GPHN: variants seen among roughly 807,000 people sequenced by gnomAD.
GPHN encodes gephyrin.
A neutral mutation model predicts 95.5 loss-of-function variants in GPHN; 17 were observed. That is an observed-to-expected ratio of 0.18 (90% CI 0.12 to 0.27). GPHN has a LOEUF of 0.27. Among genes scored for constraint, GPHN ranks in the 10% least tolerant of loss-of-function variants. The pLI is 1.00. For missense variants in GPHN, 660 were observed against 978.1 expected, an observed-to-expected ratio of 0.67 and a Z score of 4.34; for synonymous variants, 320 against 322.5, an observed-to-expected ratio of 0.99 and a Z score of 0.08.
At chr14:66,937,637 C>G (rs2067201887) in intron 8 of GPHN, among the ~76,000 whole-genome samples, 1 of 151,824 alleles carries the variant, frequency 6.6e-6, no homozygotes, top group Non-Finnish European at 1.5e-5. Flanking sequence ...TTCGGCCTCC[C>G]AAAGTGCTGG....
chr14:67,057,854 T>C (rs2075667714), intron 10 of GPHN, among the ~76,000 whole-genome samples: 1 of 152,244 alleles, frequency 6.6e-6, no homozygotes, highest in Non-Finnish European at 1.5e-5. Context: ...AATGGGTATG[T>C]GTATCACTGA....
chr14:67,276,466 A>G, the GPHN span, among the ~76,000 whole-genome samples: 3 of 152,248 alleles, frequency 2.0e-5, no homozygotes, highest in South Asian at 6.2e-4. Flanking sequence ...AGTGTTTCCT[A>G]TCACCTTTTA....
At chr14:67,708,939 T>A in the GPHN span, among the ~76,000 whole-genome samples, 1 of 151,884 alleles carries the variant, frequency 6.6e-6, no homozygotes, top group South Asian at 2.1e-4. Context: ...ACTACAGGCA[T>A]GCGCCACCAC....
chr14:66,716,363 T>C (rs1202642196), intron 2 of GPHN, among the ~76,000 whole-genome samples: 4 of 152,210 alleles, frequency 2.6e-5, no homozygotes, highest in African/African-American at 9.6e-5. Context: ...AATGCCCTTT[T>C]CCAACCTTTT....
chr14:66,856,187 G>T (rs1195935597), intron 4 of GPHN, among the ~76,000 whole-genome samples: 1 of 151,930 alleles, frequency 6.6e-6, no homozygotes, highest in South Asian at 2.1e-4. Flanking sequence ...GAGTAACTTT[G>T]GTTTAAAAAA....
the GPHN span, among the ~76,000 whole-genome samples, chr14:67,626,829 C>T: frequency 1.3e-5 from 2 of 152,092 alleles, no homozygotes; most frequent in Non-Finnish European, 2.9e-5. Flanking sequence ...CTCAAATGTA[C>T]ATTAATTGAA....
chr14:66,982,477 A>G (rs1209023710), intron 9 of GPHN, among the ~76,000 whole-genome samples: 1 of 152,168 alleles, frequency 6.6e-6, no homozygotes, highest in Non-Finnish European at 1.5e-5. Context: ...GAATGTTGCA[A>G]AAGAGGTAAT....
intron 4 of GPHN, among the ~76,000 whole-genome samples, chr14:66,863,069 A>G (rs2063090902): frequency 6.6e-6 from 1 of 152,132 alleles, no homozygotes; most frequent in Non-Finnish European, 1.5e-5. Context: ...TATTATATCT[A>G]GAAAAAAACT....
the GPHN span, among the ~76,000 whole-genome samples, chr14:67,637,410 CAAAAAAAAAAA>C: frequency 3.2e-3 from 335 of 103,666 alleles, 2 homozygotes; most frequent in South Asian, 0.016. Context: ...GACTCTGTCT[CAAAAAAAAAAA>C]AAAAAAAAAA....
At chr14:67,403,472 C>T in the GPHN span, among the ~76,000 whole-genome samples, 1 of 152,194 alleles carries the variant, frequency 6.6e-6, no homozygotes, top group Non-Finnish European at 1.5e-5. Context: ...TGTATGGTCC[C>T]CAGCTCTATG....
At chr14:67,236,505 G>C in the GPHN span, among the ~76,000 whole-genome samples, 1 of 152,090 alleles carries the variant, frequency 6.6e-6, no homozygotes, top group South Asian at 2.1e-4. Flanking sequence ...ACAGATTTCA[G>C]TGCCTATAGC....
chr14:66,956,703 A>G (rs1344988482), intron 8 of GPHN, among the ~76,000 whole-genome samples: 5 of 152,046 alleles, frequency 3.3e-5, no homozygotes, highest in African/African-American at 1.2e-4. Context: ...GTGTCTGTTC[A>G]TGACCTTTGC....
chr14:66,567,592 G>T (rs904290053), intron 1 of GPHN, among the ~76,000 whole-genome samples: 1 of 152,098 alleles, frequency 6.6e-6, no homozygotes, highest in African/African-American at 2.4e-5. Context: ...ATGCAACCTG[G>T]TTTATTTGTG....
the GPHN span, chr14:67,571,985 C>T: frequency 1.3e-5 from 19 of 1,508,370 alleles, no homozygotes; most frequent in Non-Finnish European, 1.7e-5. Context: ...ATGGGCGTCC[C>T]CACTTGATCT....
intron 9 of GPHN, chr14:66,969,963 G>A (rs1035202793): frequency 9.2e-5 from 14 of 151,470 alleles, no homozygotes; most frequent in African/African-American, 2.9e-4. Context: ...TTTTATTATC[G>A]TTTTATTCCC....
the GPHN span, chr14:67,352,940 G>A: frequency 1.9e-6 from 3 of 1,608,524 alleles, no homozygotes; most frequent in Non-Finnish European, 1.7e-6. Context: ...ATCTTCTTTA[G>A]GATCTGTCGA....
At chr14:67,478,112 A>G in the GPHN span, among the ~76,000 whole-genome samples, 1 of 152,232 alleles carries the variant, frequency 6.6e-6, no homozygotes. Context: ...TACAGCTCAC[A>G]TGTCTGTGGT....
chr14:67,690,714 T>C, the GPHN span: 7 of 422,216 alleles, frequency 1.7e-5, no homozygotes, highest in African/African-American at 1.4e-4. Flanking sequence ...CTGGGTGCGG[T>C]GGCTCACGCC....
At chr14:66,680,916 T>A (rs1316061967) in intron 1 of GPHN, among the ~76,000 whole-genome samples, 191 bp from the exon 2 acceptor site, 1 of 151,998 alleles carries the variant, frequency 6.6e-6, no homozygotes, top group Non-Finnish European at 1.5e-5. Context: ...GTTATTGAAA[T>A]GTTGGCTTGT....
Sources: gnomAD v4.1 joint callset for allele counts (sites outside exome capture counted in the v4.1 genomes callset) on GRCh38, gnomAD v4.1.1 for gene constraint, MANE v1.5 for transcripts, NCBI Gene and HGNC (gene_info 2026-07-23, HGNC 2026-07-21) for gene names.